CYB5B: variants seen among roughly 807,000 people sequenced by gnomAD.
CYB5B encodes cytochrome b5 type B.
A neutral mutation model predicts 21.3 loss-of-function variants in CYB5B; 14 were observed. The ratio of observed to expected loss-of-function variants is 0.66; its 90% CI spans 0.43 to 1.03. The LOEUF (loss-of-function observed/expected upper bound fraction) is 1.03. Among genes scored for constraint, CYB5B ranks in the 50% least tolerant of loss-of-function variants. CYB5B has a pLI of 0.00. For missense variants in CYB5B, 166 were observed against 185.1 expected, an observed-to-expected ratio of 0.90 and a Z score of 0.60; for synonymous variants, 69 against 68.4, an observed-to-expected ratio of 1.01 and a Z score of -0.04.
intron 3 of CYB5B, among the ~76,000 whole-genome samples, chr16:69,452,568 G>A (rs752065490): frequency 1.3e-5 from 2 of 152,078 alleles, no homozygotes; most frequent in South Asian, 4.1e-4. Context: ...TACATGGGAG[G>A]ATGAGGCGGT....
At chr16:69,436,136 C>T (rs550293272) in intron 1 of CYB5B, among the ~76,000 whole-genome samples, 17 of 152,292 alleles carry the variant, frequency 1.1e-4, no homozygotes, top group African/African-American at 2.9e-4. Context: ...TGTGTGTTCG[C>T]GCTTGTGAGC....
At chr16:69,455,431 G>A (rs543770741) in intron 3 of CYB5B, among the ~76,000 whole-genome samples, 3 of 140,592 alleles carry the variant, frequency 2.1e-5, no homozygotes, top group South Asian at 4.5e-4. Flanking sequence ...GTGGGGGGAC[G>A]AAATCTCACT....
At chr16:69,430,002 C>T (rs2014689105) in intron 1 of CYB5B, among the ~76,000 whole-genome samples, 1 of 152,034 alleles carries the variant, frequency 6.6e-6, no homozygotes, top group Admixed American at 6.6e-5. Context: ...CTTTCCCTGG[C>T]AGATTAATTT....
Position 69,447,247 on chromosome 16 carries a change from TAAAG to T in CYB5B, c.273_276del (p.Lys92SerfsTer39). On this transcript the variant is annotated frameshift_variant, in exon 2 of 5. Transcript: ENST00000307892. LOFTEE classifies it high-confidence loss of function. Reference sequence around the variant, plus strand: ...CACTCTTCTGATGCCAGAGAAATGCTAAAGCAGTACTACATTGGTGATATCCATC... The same window carrying T: ...CACTCTTCTGATGCCAGAGAAATGCTCAGTACTACATTGGTGATATCCATC... 1 of 1,614,074 alleles carries T rather than the reference TAAAG, an allele frequency of 6.2e-7. No individual in the cohort carries two copies. Among genetic ancestry groups the T allele is most frequent in the East Asian group, 2.2e-5 (1 of 44,888 alleles).
intron 1 of CYB5B, among the ~76,000 whole-genome samples, chr16:69,439,507 C>T (rs1226850370): frequency 2.0e-5 from 3 of 151,328 alleles, no homozygotes; most frequent in Non-Finnish European, 2.9e-5. Flanking sequence ...CCACGCCCGG[C>T]CTGTTTCTTT....
At chr16:69,453,450 A>G (rs1344406345) in intron 3 of CYB5B, among the ~76,000 whole-genome samples, 2 of 152,172 alleles carry the variant, frequency 1.3e-5, no homozygotes, top group East Asian at 3.9e-4. Context: ...TACCTAATTT[A>G]TTAAAGTTTG....
intron 1 of CYB5B, among the ~76,000 whole-genome samples, chr16:69,430,536 T>C (rs891197840): frequency 1.7e-4 from 26 of 152,064 alleles, no homozygotes; most frequent in Admixed American, 3.3e-4. Flanking sequence ...ATCTCATGTA[T>C]ATGGTGTTTA....
At chr16:69,427,479 G>A (rs2014660242) in intron 1 of CYB5B, among the ~76,000 whole-genome samples, 1 of 151,766 alleles carries the variant, frequency 6.6e-6, no homozygotes, top group Admixed American at 6.6e-5. Context: ...CATCACTAAT[G>A]TGCCAAGGTT....
intron 1 of CYB5B, among the ~76,000 whole-genome samples, chr16:69,435,829 G>T (rs543886614): frequency 6.6e-6 from 1 of 152,152 alleles, no homozygotes; most frequent in African/African-American, 2.4e-5. Context: ...AATAGAGACA[G>T]GGTTTCCCCA....
At chr16:69,450,593 T>C (rs2014922727) in intron 3 of CYB5B, among the ~76,000 whole-genome samples, 1 of 152,218 alleles carries the variant, frequency 6.6e-6, no homozygotes, top group African/African-American at 2.4e-5. Flanking sequence ...ATTCTTGATC[T>C]CTCAGATTTA....
At chr16:69,461,944 A>G (rs1352660172) in intron 4 of CYB5B, among the ~76,000 whole-genome samples, 3 of 152,230 alleles carry the variant, frequency 2.0e-5, no homozygotes, top group Non-Finnish European at 4.4e-5. Context: ...TAAAATACAT[A>G]TGAAGCAGAT....
intron 4 of CYB5B, among the ~76,000 whole-genome samples, chr16:69,461,174 C>T (rs1045602325): frequency 2.0e-5 from 3 of 150,298 alleles, no homozygotes; most frequent in South Asian, 2.1e-4. Context: ...CACCGCACTC[C>T]GGCCTGGGTG....
chr16:69,433,558 G>A (rs1348186687), intron 1 of CYB5B, among the ~76,000 whole-genome samples: 2 of 151,980 alleles, frequency 1.3e-5, no homozygotes, highest in African/African-American at 4.8e-5. Flanking sequence ...CAGCTGCATA[G>A]GATTTATTAT....
rs139584284 is a variant in CYB5B, at chr16:69,429,184, C to T, written c.174+4327C>T. Among the ~76,000 whole-genome samples the T allele has an allele frequency of 2.5e-3, 375 of 152,150 alleles. 6 individuals carry two copies. The East Asian group carries it at 0.029, about 12-fold the overall frequency. On this transcript the variant is annotated intron_variant, in intron 1 of 4. Transcript: ENST00000307892. Reference sequence around the variant, plus strand: ...TGAAGAATGAAGCCATAGACCTTCGCGGTGAGTGTTATAGCTCTTAAAGGT... The same window carrying T: ...TGAAGAATGAAGCCATAGACCTTCGTGGTGAGTGTTATAGCTCTTAAAGGT...
intron 3 of CYB5B, chr16:69,448,378 T>C (rs1432334169): frequency 1.9e-6 from 1 of 528,932 alleles, no homozygotes; most frequent in Non-Finnish European, 3.3e-6. Flanking sequence ...TTTTTTTAAC[T>C]GAAACTCCAA....
intron 3 of CYB5B, among the ~76,000 whole-genome samples, chr16:69,450,440 A>G (rs1597285096): frequency 6.6e-6 from 1 of 152,196 alleles, no homozygotes; most frequent in East Asian, 1.9e-4. Flanking sequence ...TTCATTAAGT[A>G]GAGAGTCTGG....
At chr16:69,439,649 C>G (rs926201045) in intron 1 of CYB5B, among the ~76,000 whole-genome samples, 2 of 152,076 alleles carry the variant, frequency 1.3e-5, no homozygotes, top group African/African-American at 4.8e-5. Flanking sequence ...TCACTGTAAC[C>G]TCCACCTCCT....
intron 1 of CYB5B, among the ~76,000 whole-genome samples, chr16:69,433,425 T>C (rs959849035): frequency 1.3e-5 from 2 of 152,212 alleles, no homozygotes; most frequent in Non-Finnish European, 2.9e-5. Context: ...ATGTAGTTTC[T>C]CTTTTTTTAC....
At position 69,462,568 on chromosome 16, in the gene CYB5B, T is replaced by C; in HGVS notation, c.*48T>C. 6.7e-7 allele frequency: 1 copy of C among 1,497,278 alleles called. No individual in the cohort carries two copies. The highest frequency in any genetic ancestry group is 9.3e-7 in the Non-Finnish European group (1 of 1,076,432). The allele number at this position is 1,497,278 out of a possible 1,614,324, so 92.7% of individuals were successfully genotyped here. A position where few individuals can be genotyped will look rare whatever the true frequency, so the allele number is the denominator to read the frequency against. On this transcript the variant is annotated 3_prime_UTR_variant, in exon 5 of 5. Coordinates refer to ENST00000307892, the MANE Select transcript of CYB5B (RefSeq NM_030579.3). ...AGTGCATCCACTTTGGGGCGAAAAC[T>C]AGAGACTTGCTTGGGGGCTGCAGAA...
Sources: gnomAD v4.1 joint callset for allele counts (sites outside exome capture counted in the v4.1 genomes callset) on GRCh38, gnomAD v4.1.1 for gene constraint, MANE v1.5 for transcripts, NCBI Gene and HGNC (gene_info 2026-07-23, HGNC 2026-07-21) for gene names.